GMDS: variants seen among roughly 807,000 people sequenced by gnomAD.
The protein encoded by GMDS is GDP-mannose 4,6 dehydratase.
GMDS carries 20 observed loss-of-function variants against 49.9 expected under a neutral mutation model. The ratio of observed to expected loss-of-function variants is 0.40; its 90% confidence interval spans 0.28 to 0.58. The LOEUF is 0.58. Among genes scored for constraint, GMDS ranks in the 20% least tolerant of loss-of-function variants. The pLI, the probability that GMDS is intolerant of heterozygous loss-of-function variation, is 0.42. For synonymous variants in GMDS, 177 were observed against 178.6 expected (o/e 0.99, Z 0.07); for missense variants, 362 against 481.4 (o/e 0.75, Z 2.32).
chr6:1,771,484 T>TGA (rs1768574558), intron 7 of GMDS, among the ~76,000 whole-genome samples: 1 of 152,304 alleles, frequency 6.6e-6, no homozygotes, highest in East Asian at 1.9e-4. Context: ...GTGAAGTGCC[T>TGA]GGAACGGTGC....
chr6:1,762,423 C>T (rs1255747354), intron 7 of GMDS, among the ~76,000 whole-genome samples: 2 of 152,236 alleles, frequency 1.3e-5, no homozygotes, highest in African/African-American at 4.8e-5. Flanking sequence ...AGCTGGCTGC[C>T]AGGGCAGGCT....
chr6:1,861,618 CA>C (rs563437388), intron 7 of GMDS, among the ~76,000 whole-genome samples: 1,911 of 107,746 alleles, frequency 0.018, 7 homozygotes, highest in Non-Finnish European at 0.025. Flanking sequence ...CTCTTTCTCC[CA>C]AAAAAAAAAA....
At chr6:2,227,874 C>G (rs923688782) in intron 1 of GMDS, among the ~76,000 whole-genome samples, 4 of 152,216 alleles carry the variant, frequency 2.6e-5, no homozygotes, top group Non-Finnish European at 5.9e-5. Context: ...CTACCTGCTT[C>G]CAACTTCAGT....
At chr6:1,823,528 G>A (rs1312450192) in intron 7 of GMDS, among the ~76,000 whole-genome samples, 12 of 152,116 alleles carry the variant, frequency 7.9e-5, no homozygotes, top group South Asian at 6.2e-4. Context: ...CAAATGGCAG[G>A]TTCATCTTCT....
chr6:1,767,962 T>G (rs1314941725), intron 7 of GMDS, among the ~76,000 whole-genome samples: 1 of 152,172 alleles, frequency 6.6e-6, no homozygotes, highest in Admixed American at 6.5e-5. Context: ...CCGACTATAC[T>G]GCCAGCTATG....
At chr6:1,628,477 G>C (rs1335708434) in intron 9 of GMDS, among the ~76,000 whole-genome samples, 17 of 152,212 alleles carry the variant, frequency 1.1e-4, no homozygotes, top group Admixed American at 1.1e-3. Flanking sequence ...CTATTCAACA[G>C]ACTGTATCAC....
At chr6:2,060,796 G>T (rs946408661) in intron 4 of GMDS, among the ~76,000 whole-genome samples, 1 of 152,082 alleles carries the variant, frequency 6.6e-6, no homozygotes, top group Non-Finnish European at 1.5e-5. Flanking sequence ...TTGGGAGGCC[G>T]AGGTGGGTGG....
rs1405993403 is a variant in GMDS at position 2,052,124 on chromosome 6, AAAAAAAG to A, written c.345+63640_345+63646del. The stretch of plus-strand genomic sequence containing the variant: ...AGAGCAAGACTCTGTCTCAAAAAAA[AAAAAAAG>A]AAAAAAAAAAAACAGAAAAGAAAAA... On this transcript the variant is annotated intron_variant, in intron 4 of 10. Transcript: ENST00000380815. Among the ~76,000 whole-genome samples, 96 of 141,276 alleles carry A rather than the reference AAAAAAAG, an allele frequency of 6.8e-4. 2 individuals carry two copies. The highest frequency in any genetic ancestry group is 5.4e-3 in the South Asian group (24 of 4,452). The allele number at this position is 141,276 out of a possible 152,430, so 92.7% of individuals were successfully genotyped here. A position where few individuals can be genotyped will look rare whatever the true frequency, so the allele number is the denominator to read the frequency against.
At chr6:1,715,265 CATT>C (rs952910509) in intron 9 of GMDS, among the ~76,000 whole-genome samples, 3 of 152,154 alleles carry the variant, frequency 2.0e-5, no homozygotes, top group African/African-American at 7.2e-5. Context: ...GAAAGAGGAA[CATT>C]ATTATTTTTA....
chr6:1,999,597 A>C (rs1337453157), intron 4 of GMDS, among the ~76,000 whole-genome samples: 5 of 151,738 alleles, frequency 3.3e-5, no homozygotes, highest in African/African-American at 1.2e-4. Flanking sequence ...ATATAGTTGG[A>C]CTCAACTGGA....
intron 9 of GMDS, among the ~76,000 whole-genome samples, chr6:1,704,143 C>T (rs1011870399): frequency 2.6e-5 from 4 of 152,120 alleles, no homozygotes; most frequent in African/African-American, 9.7e-5. Context: ...GGGACAAGAT[C>T]AACGCTGATG....
intron 1 of GMDS, among the ~76,000 whole-genome samples, chr6:2,241,657 C>T (rs1430009918): frequency 6.6e-6 from 1 of 152,140 alleles, no homozygotes; most frequent in South Asian, 2.1e-4. Context: ...GCACCCCACA[C>T]CCCACCCCAC....
intron 2 of GMDS, among the ~76,000 whole-genome samples, chr6:2,124,040 GTT>G (rs539213255): frequency 0.1 from 14,414 of 142,540 alleles, 2,274 homozygotes; most frequent in African/African-American, 0.34. Flanking sequence ...CACTGTAAAG[GTT>G]TTTTTTTTTT....
At chr6:2,059,699 C>T (rs1312700898) in intron 4 of GMDS, among the ~76,000 whole-genome samples, 1 of 8,434 alleles carries the variant, frequency 1.2e-4, no homozygotes, top group Non-Finnish European at 2.7e-4. Context: ...CAGAGCGAGA[C>T]TCCGTCTCAA....
At chr6:2,110,168 T>C (rs530742792) in intron 4 of GMDS, among the ~76,000 whole-genome samples, 23 of 152,198 alleles carry the variant, frequency 1.5e-4, no homozygotes, top group South Asian at 2.1e-4. Flanking sequence ...TGTTCAACTA[T>C]AGACTCCCAC....
At chr6:2,015,392 T>C (rs1402768190) in intron 4 of GMDS, among the ~76,000 whole-genome samples, 1 of 152,144 alleles carries the variant, frequency 6.6e-6, no homozygotes. Context: ...GGAGATTAAA[T>C]AGCATACTTT....
chr6:1,660,824 C>A (rs17134132), intron 9 of GMDS, among the ~76,000 whole-genome samples: 5,642 of 148,096 alleles, frequency 0.038, 214 homozygotes, highest in East Asian at 0.22. Context: ...CTCATGCGGA[C>A]CTGGAGTCTT....
chr6:1,693,011 T>A (rs542636484), intron 9 of GMDS, among the ~76,000 whole-genome samples: 1 of 152,364 alleles, frequency 6.6e-6, no homozygotes, highest in African/African-American at 2.4e-5. Flanking sequence ...TGAACTTCGT[T>A]TCTGGGACCC....
chr6:1,884,727 G>A (rs558820860), intron 7 of GMDS, among the ~76,000 whole-genome samples: 45 of 152,256 alleles, frequency 3.0e-4, no homozygotes, highest in African/African-American at 1.1e-3. Context: ...CAAAACCCAT[G>A]GGCAGTATAT....
Sources: gnomAD v4.1 joint callset for allele counts (sites outside exome capture counted in the v4.1 genomes callset) on GRCh38, gnomAD v4.1.1 for gene constraint, MANE v1.5 for transcripts, NCBI Gene and HGNC (gene_info 2026-07-23, HGNC 2026-07-21) for gene names.